RNF121: variants seen among roughly 807,000 people sequenced by gnomAD.
The protein encoded by RNF121 is ring finger protein 121, also known as E3 ubiquitin ligase RNF121.
In RNF121, 21 loss-of-function variants were observed where a neutral mutation model predicts 46.5. The ratio of observed to expected loss-of-function variants is 0.45; its 90% CI spans 0.32 to 0.65. The LOEUF is 0.65. Ranked by LOEUF, RNF121 falls within the 30% of genes least tolerant of loss-of-function variation. The pLI is 0.04. For synonymous variants in RNF121, 139 were observed against 144.7 expected, an observed-to-expected ratio of 0.96 and a Z score of 0.28; for missense variants, 346 against 416.0, an observed-to-expected ratio of 0.83 and a Z score of 1.46.
At position 71,996,415 on chromosome 11, in the gene RNF121, G is replaced by A. The variant is rs1355406994; in HGVS notation, c.*100G>A. On this transcript the variant is annotated 3_prime_UTR_variant, in exon 9 of 9. Transcript: ENST00000361756. ...ACCTCCTGGGTGGGAAAGACTCAAA[G>A]GGGTGCTTGGGCCACTCAGGACCCC... 1.4e-6 allele frequency: 2 copies of A among 1,447,870 alleles called. No homozygotes were observed. Among genetic ancestry groups the A allele is most frequent in the Non-Finnish European group, 1.9e-6 (2 of 1,069,228 alleles). 89.7% of individuals were successfully genotyped at this position (1,447,870 alleles called of 1,614,324 possible). A position where few individuals can be genotyped will look rare whatever the true frequency, so the allele number is the denominator to read the frequency against.
chr11:71,929,220 A>G, intron 1 of RNF121, 96 bp downstream of exon 1: 4 of 1,472,062 alleles, frequency 2.7e-6, no homozygotes, highest in Non-Finnish European at 3.6e-6. Context: ...GAGAAGGGAA[A>G]GATCCTGAGA....
At chr11:71,947,418 G>T (rs1457626545) in intron 1 of RNF121, among the ~76,000 whole-genome samples, 3 of 151,956 alleles carry the variant, frequency 2.0e-5, no homozygotes, top group Admixed American at 6.6e-5. Flanking sequence ...GAGCCCAGAA[G>T]GTTGAGACTG....
chr11:71,956,649 T>C (rs1208680681), intron 1 of RNF121, among the ~76,000 whole-genome samples: 1 of 152,234 alleles, frequency 6.6e-6, no homozygotes, highest in East Asian at 1.9e-4. Context: ...TAGAGTCACA[T>C]GGTGTTATAT....
chr11:71,943,925 A>G (rs948737343), intron 1 of RNF121, among the ~76,000 whole-genome samples: 8 of 152,164 alleles, frequency 5.3e-5, no homozygotes, highest in Non-Finnish European at 8.8e-5. Context: ...AGTAATGATA[A>G]AATAGGGAGA....
chr11:71,990,000 C>T (rs78636878), intron 5 of RNF121, among the ~76,000 whole-genome samples: 3,272 of 152,288 alleles, frequency 0.021, 122 homozygotes, highest in African/African-American at 0.074. Context: ...CTGTCCCACC[C>T]TCTTTGCCTG....
chr11:71,960,929 C>T (rs1484713115), intron 3 of RNF121, 38 bp downstream of exon 3: 1 of 1,603,858 alleles, frequency 6.2e-7, no homozygotes, highest in Non-Finnish European at 8.5e-7. Context: ...GTCTGTCAGT[C>T]ATCAAGAGAC....
intron 1 of RNF121, among the ~76,000 whole-genome samples, chr11:71,946,774 G>A (rs151056056): frequency 3.3e-5 from 5 of 150,388 alleles, no homozygotes; most frequent in African/African-American, 1.2e-4. Context: ...GTGCAGTGGT[G>A]CAGTCTCAGC....
chr11:71,968,206 C>T (rs187522478), intron 3 of RNF121, among the ~76,000 whole-genome samples: 1 of 152,024 alleles, frequency 6.6e-6, no homozygotes, highest in Admixed American at 6.5e-5. Context: ...ATTACAGGCT[C>T]CTGCCACCAT....
intron 3 of RNF121, among the ~76,000 whole-genome samples, chr11:71,971,048 A>T (rs1954409337): frequency 6.6e-6 from 1 of 152,250 alleles, no homozygotes; most frequent in Non-Finnish European, 1.5e-5. Context: ...GACTCAAGAT[A>T]AAGACCTAAT....
At chr11:71,994,040 C>T (rs983017398) in intron 6 of RNF121, among the ~76,000 whole-genome samples, 5 of 152,056 alleles carry the variant, frequency 3.3e-5, no homozygotes, top group Non-Finnish European at 7.4e-5. Flanking sequence ...CGGGGTTTCA[C>T]TGTGTTAGTT....
chr11:71,964,886 G>A (rs960103429), intron 3 of RNF121, among the ~76,000 whole-genome samples: 4 of 152,172 alleles, frequency 2.6e-5, no homozygotes, highest in Non-Finnish European at 5.9e-5. Flanking sequence ...AGTCCTCCCA[G>A]TTAGCTCTGA....
intron 3 of RNF121, among the ~76,000 whole-genome samples, chr11:71,981,140 T>C (rs1334686572): frequency 6.6e-6 from 1 of 151,044 alleles, no homozygotes; most frequent in Admixed American, 6.6e-5. Flanking sequence ...GCTCCACCTC[T>C]TGGGTTCACA....
chr11:71,947,075 A>G (rs938185129), intron 1 of RNF121, among the ~76,000 whole-genome samples: 54 of 152,034 alleles, frequency 3.6e-4, no homozygotes, highest in African/African-American at 1.2e-3. Context: ...CATGTTGCCC[A>G]TGTGGTCTCA....
intron 1 of RNF121, among the ~76,000 whole-genome samples, chr11:71,953,842 CGTTA>C (rs1181057293): frequency 6.6e-6 from 1 of 152,112 alleles, no homozygotes; most frequent in Non-Finnish European, 1.5e-5. Flanking sequence ...TGTGGGGATA[CGTTA>C]GTGAGTCCCT....
intron 5 of RNF121, 90 bp from the exon 6 acceptor site, chr11:71,990,507 T>C: frequency 6.6e-7 from 1 of 1,518,014 alleles, no homozygotes; most frequent in Non-Finnish European, 8.9e-7. Context: ...GCCTTCTCGC[T>C]TTGGGCCCTG....
chr11:71,948,436 A>T (rs1357933758), intron 1 of RNF121, among the ~76,000 whole-genome samples: 3 of 142,780 alleles, frequency 2.1e-5, no homozygotes, highest in Non-Finnish European at 4.5e-5. Flanking sequence ...AATCGCTTGA[A>T]CCTGGAAGGT....
In RNF121 at chr11:71,994,857, C is replaced by A; in HGVS notation, c.761+5C>A. On this transcript the variant is annotated splice_donor_5th_base_variant and intron_variant, in intron 7 of 8. Transcript: ENST00000361756. ...TAGGCTGTCCTGCAATCATGTGTAT[C>A]CTGCCTCGAGCTCCTGGGCCACATC... 1 of 1,614,128 alleles carries A rather than the reference C, an allele frequency of 6.2e-7. No homozygotes were observed. Among genetic ancestry groups the A allele is most frequent in the Non-Finnish European group, 8.5e-7 (1 of 1,180,012 alleles).
At chr11:71,935,741 G>C (rs2134145089) in intron 1 of RNF121, among the ~76,000 whole-genome samples, 1 of 152,134 alleles carries the variant, frequency 6.6e-6, no homozygotes, top group East Asian at 1.9e-4. Flanking sequence ...GAAAGACTTG[G>C]ATCACAGAGT....
intron 1 of RNF121, among the ~76,000 whole-genome samples, chr11:71,940,329 G>GT (rs1360126547): frequency 6.6e-5 from 10 of 152,210 alleles, no homozygotes; most frequent in Admixed American, 3.9e-4. Flanking sequence ...AGTACTAAAT[G>GT]TTTTTTTCCG....
Sources: gnomAD v4.1 joint callset for allele counts (sites outside exome capture counted in the v4.1 genomes callset) on GRCh38, gnomAD v4.1.1 for gene constraint, MANE v1.5 for transcripts, NCBI Gene and HGNC (gene_info 2026-07-23, HGNC 2026-07-21) for gene names.